Variants in CACNA2D1 observed in about 807,000 individuals in gnomAD.
CACNA2D1 encodes the protein calcium voltage-gated channel auxiliary subunit alpha2delta 1, also known as voltage-dependent calcium channel subunit alpha-2/delta-1.
In CACNA2D1, 53 loss-of-function variants were observed where a neutral mutation model predicts 171.5. The observed-to-expected ratio is 0.31, with a 90% confidence interval of 0.25 to 0.39. The LOEUF (loss-of-function observed/expected upper bound fraction) is 0.39, where lower values mean the gene tolerates loss of function less well. Among genes scored for constraint, CACNA2D1 ranks in the 10% least tolerant of loss-of-function variants. The pLI is 1.00. For missense variants in CACNA2D1, 903 were observed against 1,299.8 expected, an observed-to-expected ratio of 0.69 and a Z score of 4.69; for synonymous variants, 442 against 443.1, an observed-to-expected ratio of 1.00 and a Z score of 0.03.
At chr7:81,994,790 G>GA (rs904778927) in intron 20 of CACNA2D1, 78 bp downstream of exon 20, 3 of 781,506 alleles carry the variant, frequency 3.8e-6, no homozygotes, top group Non-Finnish European at 6.7e-6. Flanking sequence ...TGGATTAATA[G>GA]AAAAAAAGGA....
In CACNA2D1 at chr7:82,060,197, TATATTATATATATA is replaced by T; in HGVS notation, c.879+217_879+230del. On this transcript the variant is annotated intron_variant, in intron 10 of 38. Transcript: ENST00000356860. ...ATATATAATATATATATATTATATA[TATATTATATATATA>T]ATATATATATAATATATATATATAA... Among the ~76,000 whole-genome samples, 2 of 11,058 alleles carry T rather than the reference TATATTATATATATA, an allele frequency of 1.8e-4. 1 individual carries two copies. The highest frequency in any genetic ancestry group is 5.9e-3 in the Admixed American group (2 of 338). 7.3% of individuals were successfully genotyped at this position (11,058 alleles called of 152,430 possible).
In CACNA2D1 at chr7:82,443,554, G is replaced by A. The variant is rs1409580938; in HGVS notation, c.-95C>T. On this transcript the variant is annotated 5_prime_UTR_variant, in exon 1 of 39. Coordinates refer to ENST00000356860, the MANE Select transcript of CACNA2D1 (RefSeq NM_000722.4). ...CGGAGGAAGAGCAGCACACGCCGCC[G>A]GGACCGCGGGCGTCTGGAGGGCTGG... The A allele has an allele frequency of 2.6e-6, 4 of 1,521,468 alleles. No individual in the cohort carries two copies. Among genetic ancestry groups the A allele is most frequent in the Non-Finnish European group, 3.5e-6 (4 of 1,133,546 alleles). 94.2% of individuals were successfully genotyped at this position (1,521,468 alleles called of 1,614,324 possible). A position where few individuals can be genotyped will look rare whatever the true frequency, so the allele number is the denominator to read the frequency against.
chr7:82,288,130 G>A (rs983687080), intron 3 of CACNA2D1, among the ~76,000 whole-genome samples: 19 of 151,718 alleles, frequency 1.3e-4, no homozygotes, highest in Non-Finnish European at 2.4e-4. Context: ...GTGAGCCACC[G>A]CGCCCGGCCC....
At chr7:82,387,055 G>A (rs767380602) in intron 1 of CACNA2D1, among the ~76,000 whole-genome samples, 10 of 151,944 alleles carry the variant, frequency 6.6e-5, no homozygotes, top group Non-Finnish European at 1.3e-4. Flanking sequence ...GTTGTTGACT[G>A]TTTAATTATT....
At chr7:82,353,196 G>A (rs1820049453) in intron 1 of CACNA2D1, among the ~76,000 whole-genome samples, 1 of 152,042 alleles carries the variant, frequency 6.6e-6, no homozygotes, top group Non-Finnish European at 1.5e-5. Flanking sequence ...AAAAGAAGGG[G>A]AGGCCAAGTA....
At position 82,150,277 on chromosome 7, in the gene CACNA2D1, AAC is replaced by A. The variant is rs1440076850; in HGVS notation, c.355-13603_355-13602del. 1.4e-4 allele frequency among the ~76,000 whole-genome samples: 8 copies of A among 56,056 alleles called. 1 individual carries two copies. Among genetic ancestry groups the A allele is most frequent in the African/African-American group, 6.8e-4 (6 of 8,862 alleles). The allele number at this position is 56,056 out of a possible 152,430, so 36.8% of individuals were successfully genotyped here. A position where few individuals can be genotyped will look rare whatever the true frequency, so the allele number is the denominator to read the frequency against. ...CAAATTAAAAAAAAAAAACAAAAACAACAACAAAAAAAAACACCCTAGTAGCT... is the reference window on the plus strand; with the variant it reads ...CAAATTAAAAAAAAAAAACAAAAACAAACAAAAAAAAACACCCTAGTAGCT... On this transcript the variant is annotated intron_variant, in intron 4 of 38. Transcript: ENST00000356860.
At chr7:82,011,825 C>G (rs762541643) in intron 15 of CACNA2D1, among the ~76,000 whole-genome samples, 10 of 152,192 alleles carry the variant, frequency 6.6e-5, no homozygotes, top group African/African-American at 2.4e-4. Flanking sequence ...GATTCTAATT[C>G]ACAAAGACTT....
At chr7:82,037,806 T>G (rs1224454778) in intron 11 of CACNA2D1, among the ~76,000 whole-genome samples, 1 of 152,316 alleles carries the variant, frequency 6.6e-6, no homozygotes, top group African/African-American at 2.4e-5. Context: ...TTTCAAGTGC[T>G]TATTCAAAAT....
At chr7:82,439,767 T>C (rs1043662924) in intron 1 of CACNA2D1, among the ~76,000 whole-genome samples, 3 of 151,638 alleles carry the variant, frequency 2.0e-5, no homozygotes, top group Non-Finnish European at 3.0e-5. Flanking sequence ...ATCTGTGGAA[T>C]AGTAAATGTT....
intron 3 of CACNA2D1, among the ~76,000 whole-genome samples, chr7:82,234,916 T>C (rs1374640774): frequency 6.6e-6 from 1 of 152,160 alleles, no homozygotes; most frequent in African/African-American, 2.4e-5. Flanking sequence ...TTAAACAGAA[T>C]TAGTATTAAG....
chr7:82,346,808 C>T (rs758953193), intron 2 of CACNA2D1, among the ~76,000 whole-genome samples: 3 of 152,080 alleles, frequency 2.0e-5, no homozygotes, highest in Non-Finnish European at 4.4e-5. Context: ...ATCTGATATA[C>T]TCACCTTGTT....
chr7:82,107,044 A>G (rs1026500707), intron 6 of CACNA2D1, among the ~76,000 whole-genome samples: 1 of 152,206 alleles, frequency 6.6e-6, no homozygotes, highest in Non-Finnish European at 1.5e-5. Flanking sequence ...GGCCAAATAT[A>G]TAACATGAGA....
chr7:82,131,350 A>G (rs1366026630), intron 5 of CACNA2D1, among the ~76,000 whole-genome samples: 1 of 152,152 alleles, frequency 6.6e-6, no homozygotes, highest in Non-Finnish European at 1.5e-5. Context: ...CCCAGCTATC[A>G]CCATGCCCAA....
chr7:82,052,799 A>G (rs1805338237), intron 10 of CACNA2D1, among the ~76,000 whole-genome samples: 1 of 152,200 alleles, frequency 6.6e-6, no homozygotes, highest in African/African-American at 2.4e-5. Flanking sequence ...ATGAATGAAG[A>G]TGGCTACACT....
At chr7:82,089,290 C>G (rs1482288225) in intron 6 of CACNA2D1, among the ~76,000 whole-genome samples, 1 of 152,114 alleles carries the variant, frequency 6.6e-6, no homozygotes. Context: ...AGCCTTGAAC[C>G]TACTACCAGT....
chr7:81,955,918 G>T lies in CACNA2D1; in HGVS notation c.3159+3357C>A, dbSNP rs1312927551. Reference sequence around the variant, plus strand: ...ATGTTATTTTGGTGGGGGGGGGGGGGGGTGGTGGTCTTAGGTTAAAAAGAT... The same window carrying T: ...ATGTTATTTTGGTGGGGGGGGGGGGTGGTGGTGGTCTTAGGTTAAAAAGAT... On this transcript the variant is annotated intron_variant, in intron 38 of 38. Transcript: ENST00000356860. 1.1e-3 allele frequency among the ~76,000 whole-genome samples: 84 copies of T among 78,552 alleles called. 11 individuals are homozygous for T. The highest frequency in any genetic ancestry group is 2.8e-3 in the African/African-American group (56 of 20,232). The allele number at this position is 78,552 out of a possible 152,430, so 51.5% of individuals were successfully genotyped here. A position where few individuals can be genotyped will look rare whatever the true frequency, so the allele number is the denominator to read the frequency against.
intron 1 of CACNA2D1, among the ~76,000 whole-genome samples, chr7:82,431,252 A>G (rs1585938359): frequency 6.6e-6 from 1 of 152,284 alleles, no homozygotes; most frequent in East Asian, 1.9e-4. Flanking sequence ...ATGGTTATAT[A>G]TTAGCACAAT....
At chr7:82,244,390 C>T (rs968737696) in intron 3 of CACNA2D1, among the ~76,000 whole-genome samples, 1 of 152,066 alleles carries the variant, frequency 6.6e-6, no homozygotes, top group African/African-American at 2.4e-5. Context: ...AGCAAGAAAT[C>T]TAAAATATTA....
intron 1 of CACNA2D1, among the ~76,000 whole-genome samples, chr7:82,363,764 G>A (rs1240548571): frequency 6.6e-6 from 1 of 152,154 alleles, no homozygotes; most frequent in East Asian, 1.9e-4. Flanking sequence ...TGGTGTTCAG[G>A]CAGCACTAGA....
Sources: gnomAD v4.1 joint callset for allele counts (sites outside exome capture counted in the v4.1 genomes callset) on GRCh38, gnomAD v4.1.1 for gene constraint, MANE v1.5 for transcripts, NCBI Gene and HGNC (gene_info 2026-07-23, HGNC 2026-07-21) for gene names.